The following MCTP1 variants were observed in gnomAD, a reference collection of about 807,000 sequenced individuals.
MCTP1 encodes the protein multiple C2 and transmembrane domain-containing protein 1.
A neutral mutation model predicts 120.6 loss-of-function variants in MCTP1; 69 were observed. The observed-to-expected ratio is 0.57, with a 90% CI of 0.47 to 0.70. The LOEUF is 0.70. MCTP1 is among the 30% of genes least tolerant of loss of function. The pLI, the probability that MCTP1 is intolerant of heterozygous loss-of-function variation, is 0.00. For synonymous variants in MCTP1, 529 were observed against 493.1 expected, an observed-to-expected ratio of 1.07 and a Z score of -0.96; for missense variants, 1,203 against 1,248.8, an observed-to-expected ratio of 0.96 and a Z score of 0.55.
chr5:95,167,900 T>G (rs1233430286), intron 1 of MCTP1, among the ~76,000 whole-genome samples: 1 of 152,222 alleles, frequency 6.6e-6, no homozygotes, highest in Non-Finnish European at 1.5e-5. Flanking sequence ...TTTAGTTTAA[T>G]TAAATCCCAT....
chr5:94,804,689 C>T (rs1050274300), intron 17 of MCTP1, among the ~76,000 whole-genome samples: 9 of 152,180 alleles, frequency 5.9e-5, no homozygotes, highest in African/African-American at 1.7e-4. Context: ...CTGCCCGCCT[C>T]GGCCTCCCAA....
In MCTP1 at chr5:95,156,214, A is replaced by C. The variant is rs561413486; in HGVS notation, c.720+127642T>G. ...AAAGATTCAGAGAAAAGGAGGCCTG[A>C]TTCCAGACCCACGGAGACTGAGATA... On this transcript the variant is annotated intron_variant, in intron 1 of 22. Coordinates refer to ENST00000515393, the MANE Select transcript of MCTP1 (RefSeq NM_024717.7). 7.2e-5 allele frequency among the ~76,000 whole-genome samples: 11 copies of C among 152,304 alleles called. No individual in the cohort carries two copies. In the South Asian group the frequency reaches 2.3e-3, roughly 32 times the overall value.
At chr5:94,722,161 T>C (rs1761062332) in intron 19 of MCTP1, among the ~76,000 whole-genome samples, 1 of 152,112 alleles carries the variant, frequency 6.6e-6, no homozygotes, top group Admixed American at 6.6e-5. Context: ...TTTAAGAAAA[T>C]CTAAAGACCT....
chr5:95,095,102 CA>C (rs1381930004), intron 1 of MCTP1, among the ~76,000 whole-genome samples: 1 of 128,290 alleles, frequency 7.8e-6, no homozygotes, highest in East Asian at 2.4e-4. Context: ...AGGCTCACTG[CA>C]AGCTCTGCCT....
intron 1 of MCTP1, among the ~76,000 whole-genome samples, chr5:95,147,014 T>G (rs1562181583): frequency 6.6e-6 from 1 of 152,174 alleles, no homozygotes; most frequent in Admixed American, 6.6e-5. Flanking sequence ...TCTGAGTCTT[T>G]TCATAGGTCA....
chr5:95,021,564 T>G (rs375039596), intron 1 of MCTP1, among the ~76,000 whole-genome samples: 136 of 152,190 alleles, frequency 8.9e-4, no homozygotes, highest in African/African-American at 3.0e-3. Flanking sequence ...TTTTATGGGT[T>G]TTGTTTCTAT....
At chr5:95,196,938 A>G (rs886542587) in intron 1 of MCTP1, among the ~76,000 whole-genome samples, 1 of 152,140 alleles carries the variant, frequency 6.6e-6, no homozygotes, top group Non-Finnish European at 1.5e-5. Flanking sequence ...CAACAGATTG[A>G]TTTTTTTAAA....
chr5:95,019,511 TTTTCCTA>T, intron 1 of MCTP1, among the ~76,000 whole-genome samples: 1 of 152,190 alleles, frequency 6.6e-6, no homozygotes, highest in Non-Finnish European at 1.5e-5. Context: ...TCTTCCATTA[TTTTCCTA>T]TTGATGGACA....
At position 94,799,227 on chromosome 5, in the gene MCTP1, A is replaced by G. The variant is rs114128080; in HGVS notation, c.2437-95T>C. ...ACTCTACTTCAAAAACACAAAACCA[A>G]ATGCTTCAGAACAGGAAGATTTATC... is the stretch of plus-strand genomic sequence containing the variant. On this transcript the variant is annotated intron_variant, in intron 17 of 22. Coordinates refer to ENST00000515393, the MANE Select transcript of MCTP1 (RefSeq NM_024717.7). 1,404 of 1,119,436 alleles carry G rather than the reference A, an allele frequency of 1.3e-3. 7 individuals carry two copies. The African/African-American group carries it at 0.018, about 14-fold the overall frequency. 69.3% of individuals were successfully genotyped at this position (1,119,436 alleles called of 1,614,324 possible).
At chr5:95,042,946 A>C (rs548927634) in intron 1 of MCTP1, among the ~76,000 whole-genome samples, 2 of 152,284 alleles carry the variant, frequency 1.3e-5, no homozygotes, top group East Asian at 3.9e-4. Flanking sequence ...ACAATGTGGC[A>C]AGGAATTTTG....
At chr5:94,829,707 G>A (rs1013470532) in intron 17 of MCTP1, among the ~76,000 whole-genome samples, 2 of 152,190 alleles carry the variant, frequency 1.3e-5, no homozygotes, top group African/African-American at 4.8e-5. Flanking sequence ...AAAAATAGAT[G>A]AGAGAAAAGT....
intron 12 of MCTP1, among the ~76,000 whole-genome samples, chr5:94,876,670 A>G (rs919569491): frequency 6.6e-6 from 1 of 152,106 alleles, no homozygotes; most frequent in South Asian, 2.1e-4. Context: ...AAAAGAGTCA[A>G]TCCCTCTCCC....
intron 2 of MCTP1, among the ~76,000 whole-genome samples, chr5:94,971,394 G>A (rs1826834678): frequency 6.6e-6 from 1 of 152,086 alleles, no homozygotes; most frequent in African/African-American, 2.4e-5. Flanking sequence ...AGCATCATTT[G>A]TTAAGTGTGT....
chr5:94,994,892 C>T (rs1832307000), intron 2 of MCTP1, among the ~76,000 whole-genome samples: 1 of 152,196 alleles, frequency 6.6e-6, no homozygotes, highest in Non-Finnish European at 1.5e-5. Flanking sequence ...TGACCTTGAA[C>T]ATCAGACTCC....
chr5:95,044,034 A>G (rs1455614620), intron 1 of MCTP1, among the ~76,000 whole-genome samples: 1 of 152,228 alleles, frequency 6.6e-6, no homozygotes, highest in Non-Finnish European at 1.5e-5. Context: ...CAAAAAAAGA[A>G]GAATGTGGTG....
At chr5:94,745,385 C>A (rs1314480559) in intron 19 of MCTP1, among the ~76,000 whole-genome samples, 1 of 152,276 alleles carries the variant, frequency 6.6e-6, no homozygotes, top group South Asian at 2.1e-4. Flanking sequence ...CCACTTGTTT[C>A]CATTTCTTCT....
rs111534231 is a variant in MCTP1 at position 95,046,639 on chromosome 5, G to A, written c.721-29155C>T. On this transcript the variant is annotated intron_variant, in intron 1 of 22. Transcript: ENST00000515393. Reference sequence around the variant, plus strand: ...TGTTTTACAGAATAATTAAGAGTTCGCCAGACAGAGTCACTAGGAGAAGAC... The same window carrying A: ...TGTTTTACAGAATAATTAAGAGTTCACCAGACAGAGTCACTAGGAGAAGAC... Among the ~76,000 whole-genome samples the A allele has an allele frequency of 6.8e-3, 1,034 of 152,176 alleles. 17 individuals are homozygous for A. The highest frequency in any genetic ancestry group is 0.024 in the African/African-American group (976 of 41,532).
At chr5:94,707,623 A>C in intron 22 of MCTP1, 56 bp from the exon 23 acceptor site, 1 of 1,301,896 alleles carries the variant, frequency 7.7e-7, no homozygotes, top group Non-Finnish European at 1.1e-6. Flanking sequence ...CTGGCAAAGA[A>C]AGGAACAGCA....
chr5:95,071,111 A>G (rs1346633460), intron 1 of MCTP1, among the ~76,000 whole-genome samples: 1 of 152,234 alleles, frequency 6.6e-6, no homozygotes, highest in African/African-American at 2.4e-5. Flanking sequence ...ACATCTGAGC[A>G]GCAATTCACA....
Sources: gnomAD v4.1 joint callset for allele counts (sites outside exome capture counted in the v4.1 genomes callset) on GRCh38, gnomAD v4.1.1 for gene constraint, MANE v1.5 for transcripts, NCBI Gene and HGNC (gene_info 2026-07-23, HGNC 2026-07-21) for gene names.